The following PAM variants were observed in gnomAD, a reference collection of about 807,000 sequenced individuals.
PAM encodes peptidylglycine alpha-amidating monooxygenase, also known as peptidyl-glycine alpha-amidating monooxygenase.
PAM carries 72 observed loss-of-function variants against 122.1 expected under a neutral mutation model. The ratio of observed to expected loss-of-function variants is 0.59; its 90% confidence interval spans 0.49 to 0.72. The LOEUF is 0.72. Ranked by LOEUF, PAM falls within the 30% of genes least tolerant of loss-of-function variation. The pLI, the probability that PAM is intolerant of heterozygous loss-of-function variation, is 0.00. For synonymous variants in PAM, 389 were observed against 404.4 expected, an observed-to-expected ratio of 0.96 and a Z score of 0.46; for missense variants, 1,106 against 1,183.7, an observed-to-expected ratio of 0.93 and a Z score of 0.96.
intron 3 of PAM, among the ~76,000 whole-genome samples, chr5:102,878,603 T>C (rs1789946116): frequency 6.6e-6 from 1 of 152,148 alleles, no homozygotes; most frequent in South Asian, 2.1e-4. Context: ...ATGCATGTTA[T>C]TGCCCCTGAA....
rs763704853 is a variant in PAM at position 103,028,993 on chromosome 5, A to G, written c.2850A>G (p.Lys950=). 11 of 1,613,712 alleles carry G rather than the reference A, an allele frequency of 6.8e-6. No homozygotes were observed. Among genetic ancestry groups the G allele is most frequent in the Non-Finnish European group, 8.5e-6 (10 of 1,179,816 alleles). ...RLSTEGSDQE[K]EDDGSESEEE... ...GCACTGAGGGCAGTGACCAAGAGAA[A>G]GAGGATGATGGAAGTGAATCAGAAG... is the stretch of plus-strand genomic sequence containing the variant. Residue 950 remains lysine, a synonymous_variant, in exon 26 of 26, where the codon AAA becomes AAG. Coordinates refer to ENST00000438793, the MANE Select transcript of PAM (RefSeq NM_001177306.2).
chr5:102,793,496 C>T (rs113129997), intron 1 of PAM, among the ~76,000 whole-genome samples: 4,878 of 152,202 alleles, frequency 0.032, 268 homozygotes, highest in African/African-American at 0.11. Context: ...CACCACTGCT[C>T]TCCAGCCTGG....
chr5:102,972,411 G>A (rs1016398459), intron 14 of PAM, among the ~76,000 whole-genome samples: 6 of 151,980 alleles, frequency 3.9e-5, no homozygotes, highest in African/African-American at 1.4e-4. Context: ...CCTCCCAAGT[G>A]GTGAGGACTA....
At chr5:102,809,638 C>G (rs1767331734) in intron 1 of PAM, among the ~76,000 whole-genome samples, 1 of 152,180 alleles carries the variant, frequency 6.6e-6, no homozygotes, top group South Asian at 2.1e-4. Context: ...ATTTTTGAAG[C>G]CTTTTTAAAT....
intron 15 of PAM, among the ~76,000 whole-genome samples, chr5:102,982,655 G>C (rs966939292): frequency 3.3e-5 from 5 of 152,202 alleles, no homozygotes; most frequent in African/African-American, 1.2e-4. Flanking sequence ...AGAGACTACT[G>C]TGTCCACTTA....
chr5:102,990,135 G>A (rs377237818), intron 15 of PAM, 137 bp from the exon 16 acceptor site: 1 of 536,330 alleles, frequency 1.9e-6, no homozygotes, highest in African/African-American at 1.9e-5. Context: ...AATTTATGTA[G>A]AGCACGGCTT....
At chr5:102,856,993 G>C (rs938384683) in intron 1 of PAM, among the ~76,000 whole-genome samples, 2 of 152,188 alleles carry the variant, frequency 1.3e-5, no homozygotes, top group African/African-American at 4.8e-5. Context: ...GTACACCTAA[G>C]TGTGGTAAAC....
At chr5:102,882,464 C>A (rs1434789158) in intron 3 of PAM, among the ~76,000 whole-genome samples, 1 of 151,862 alleles carries the variant, frequency 6.6e-6, no homozygotes, top group East Asian at 1.9e-4. Context: ...ATTTGCATTT[C>A]CATGATTATT....
rs144605767 is a variant in PAM, at chr5:102,768,107, A to G, written c.-374+12759A>G. Among the ~76,000 whole-genome samples the G allele has an allele frequency of 2.1e-3, 325 of 152,326 alleles. 1 individual carries two copies. The highest frequency in any genetic ancestry group is 3.6e-3 in the Non-Finnish European group (246 of 68,022). On this transcript the variant is annotated intron_variant, in intron 1 of 25. Transcript: ENST00000438793. ...AGTGACAAAGAATACTGCTAGTTCTATAATTACTATAATGGTGTTAACTAC... is the reference window on the plus strand; with the variant it reads ...AGTGACAAAGAATACTGCTAGTTCTGTAATTACTATAATGGTGTTAACTAC...
chr5:102,875,201 TATTA>T (rs1788757775), intron 3 of PAM, among the ~76,000 whole-genome samples: 1 of 151,466 alleles, frequency 6.6e-6, no homozygotes, highest in African/African-American at 2.4e-5. Flanking sequence ...TTATTATTAT[TATTA>T]TTATTTGAGG....
intron 16 of PAM, among the ~76,000 whole-genome samples, chr5:102,999,122 C>A (rs916536283): frequency 6.6e-6 from 1 of 152,170 alleles, no homozygotes; most frequent in African/African-American, 2.4e-5. Flanking sequence ...CAGAAAACAG[C>A]AGCATGGGGT....
intron 1 of PAM, among the ~76,000 whole-genome samples, chr5:102,792,438 C>G (rs1412112087): frequency 1.3e-5 from 2 of 152,172 alleles, no homozygotes; most frequent in Non-Finnish European, 2.9e-5. Context: ...AAGCAGGTAG[C>G]AATTACATAA....
At chr5:102,815,082 T>C (rs569701748) in intron 1 of PAM, among the ~76,000 whole-genome samples, 2 of 152,226 alleles carry the variant, frequency 1.3e-5, no homozygotes, top group South Asian at 2.1e-4. Context: ...CCAACTCCTA[T>C]TTATTGCACC....
At chr5:102,985,247 T>TA (rs1194787171) in intron 15 of PAM, among the ~76,000 whole-genome samples, 1 of 150,496 alleles carries the variant, frequency 6.6e-6, no homozygotes, top group Admixed American at 6.6e-5. Context: ...AAATAGAGAC[T>TA]AAAAAAATAC....
intron 4 of PAM, among the ~76,000 whole-genome samples, chr5:102,908,469 T>G (rs901456422): frequency 6.6e-6 from 1 of 150,894 alleles, no homozygotes; most frequent in Non-Finnish European, 1.5e-5. Flanking sequence ...CTTTTTTGGT[T>G]CCATATGAAC....
chr5:102,900,253 GT>G (rs1325815639), intron 3 of PAM, among the ~76,000 whole-genome samples: 46 of 120,732 alleles, frequency 3.8e-4, no homozygotes, highest in African/African-American at 9.2e-4. Flanking sequence ...ATGTGTGTGT[GT>G]GGGGGGGGGG....
At chr5:102,816,329 C>T (rs911182601) in intron 1 of PAM, among the ~76,000 whole-genome samples, 2 of 152,138 alleles carry the variant, frequency 1.3e-5, no homozygotes, top group African/African-American at 4.8e-5. Context: ...AAGGCATTCT[C>T]TGCCTCAAGG....
At chr5:103,028,720 A>G (rs896235934) in intron 25 of PAM, among the ~76,000 whole-genome samples, 167 bp from the exon 26 acceptor site, 2 of 152,212 alleles carry the variant, frequency 1.3e-5, no homozygotes, top group South Asian at 2.1e-4. Context: ...AGTAGCATCT[A>G]TATGGCTCTG....
intron 21 of PAM, among the ~76,000 whole-genome samples, chr5:103,015,017 A>G (rs1455432284): frequency 6.6e-6 from 1 of 152,190 alleles, no homozygotes; most frequent in Non-Finnish European, 1.5e-5. Context: ...GCCCAGATTT[A>G]TGTCATTTTT....
Sources: gnomAD v4.1 joint callset for allele counts (sites outside exome capture counted in the v4.1 genomes callset) on GRCh38, gnomAD v4.1.1 for gene constraint, MANE v1.5 for transcripts, NCBI Gene and HGNC (gene_info 2026-07-23, HGNC 2026-07-21) for gene names.